The following MALRD1 variants were observed in gnomAD, a reference collection of about 807,000 sequenced individuals.
MALRD1 encodes the protein MAM and LDL receptor class A domain containing 1, also known as MAM and LDL-receptor class A domain-containing protein 1.
MALRD1 carries 247 observed loss-of-function variants against 242.1 expected under a neutral mutation model. The observed-to-expected ratio is 1.02, with a 90% confidence interval of 0.92 to 1.13. The LOEUF is 1.13. MALRD1 is among the 50% of genes most tolerant of loss of function. MALRD1 has a pLI of 0.00. For synonymous variants in MALRD1, 995 were observed against 866.6 expected, an observed-to-expected ratio of 1.15 and a Z score of -2.60; for missense variants, 2,989 against 2,533.1, an observed-to-expected ratio of 1.18 and a Z score of -3.86.
intron 32 of MALRD1, among the ~76,000 whole-genome samples, chr10:19,549,285 C>A (rs6481971): frequency 0.85 from 129,984 of 152,282 alleles, 55,498 homozygotes; most frequent in East Asian, 0.89. Context: ...TTGATAAAGC[C>A]GCAGCAGGTT....
chr10:19,604,980 G>A (rs961381155), intron 34 of MALRD1, among the ~76,000 whole-genome samples: 3 of 151,914 alleles, frequency 2.0e-5, no homozygotes, highest in African/African-American at 7.3e-5. Context: ...TGCTTTAAGA[G>A]TTTATCTTAT....
At chr10:19,296,209 T>G (rs577874320) in intron 21 of MALRD1, among the ~76,000 whole-genome samples, 32 of 152,288 alleles carry the variant, frequency 2.1e-4, no homozygotes, top group Middle Eastern at 3.4e-3. Context: ...TCTTCATAAC[T>G]TTTTCACCTG....
At chr10:19,631,290 C>T (rs1839889256) in intron 36 of MALRD1, among the ~76,000 whole-genome samples, 2 of 152,144 alleles carry the variant, frequency 1.3e-5, no homozygotes, top group Admixed American at 6.6e-5. Context: ...TGATGGCCTC[C>T]AGCTCCATCC....
intron 28 of MALRD1, among the ~76,000 whole-genome samples, chr10:19,426,337 G>T (rs989413258): frequency 6.6e-6 from 1 of 152,192 alleles, no homozygotes; most frequent in African/African-American, 2.4e-5. Flanking sequence ...AATGGAGTTT[G>T]AGAATAGTGA....
At chr10:19,185,605 T>C (rs1835703797) in intron 14 of MALRD1, among the ~76,000 whole-genome samples, 1 of 152,198 alleles carries the variant, frequency 6.6e-6, no homozygotes. Flanking sequence ...CATTAGACAC[T>C]GGCATTTCCA....
chr10:19,265,762 T>C (rs1247492716), intron 19 of MALRD1, among the ~76,000 whole-genome samples: 2 of 152,116 alleles, frequency 1.3e-5, no homozygotes, highest in South Asian at 2.1e-4. Flanking sequence ...TTAAGTTCAA[T>C]GTTTCTTAAT....
chr10:19,177,647 T>C (rs984326181), intron 14 of MALRD1, among the ~76,000 whole-genome samples: 3 of 152,200 alleles, frequency 2.0e-5, no homozygotes, highest in Non-Finnish European at 4.4e-5. Context: ...CTTTATTTTA[T>C]TTTTTCGTTT....
At chr10:19,508,286 G>T (rs1259406636) in intron 31 of MALRD1, among the ~76,000 whole-genome samples, 1 of 152,058 alleles carries the variant, frequency 6.6e-6, no homozygotes, top group African/African-American at 2.4e-5. Context: ...ATTTCAGAAT[G>T]ATTTAGAGGA....
chr10:19,387,709 T>G lies in MALRD1; in HGVS notation c.4623T>G (p.Val1541=), dbSNP rs1457906849. The change falls in exon 27 of 40, where the codon GTT becomes GTG. Residue 1541 remains valine, a synonymous_variant. Transcript: ENST00000454679. The part of the protein sequence containing the change: ...QNSQADNFDW[V]LGVGSHQSLR... ...CCCAGGCTGACAACTTTGATTGGGT[T>G]TTAGGGGTTGGCTCTCATCAAAGCT... 1.3e-6 allele frequency: 2 copies of G among 1,550,380 alleles called. No homozygotes were observed. Among genetic ancestry groups the G allele is most frequent in the Non-Finnish European group, 1.7e-6 (2 of 1,146,856 alleles).
At position 19,567,686 on chromosome 10, in the gene MALRD1, C is replaced by T. The variant is rs751654495; in HGVS notation, c.5663C>T (p.Pro1888Leu). Residue 1888 changes from proline (P) to leucine (L), a missense_variant, in exon 33 of 40, where the codon CCA becomes CTA. Physicochemically the swap from Pro to Leu is moderately conservative, Grantham distance 98. Coordinates refer to ENST00000454679, the MANE Select transcript of MALRD1 (RefSeq NM_001142308.3). ...GCTCTTGATGACATCTCTTTTACCC[C>T]AGAGTGTGTGACTGGAGGTAAGTGA... ...FIALDDISFT[P>L]ECVTGGPVPV... 7 of 1,550,262 alleles carry T rather than the reference C, an allele frequency of 4.5e-6. No individual in the cohort carries two copies. Among genetic ancestry groups the T allele is most frequent in the African/African-American group, 2.7e-5 (2 of 72,990 alleles).
chr10:19,350,378 C>G (rs571628858), intron 25 of MALRD1, among the ~76,000 whole-genome samples: 1 of 146,166 alleles, frequency 6.8e-6, no homozygotes, highest in South Asian at 2.2e-4. Context: ...TCAAGCAATT[C>G]TCCTGCCTCA....
intron 18 of MALRD1, among the ~76,000 whole-genome samples, chr10:19,223,190 A>G (rs1000989685): frequency 6.6e-6 from 1 of 152,116 alleles, no homozygotes; most frequent in Non-Finnish European, 1.5e-5. Context: ...GTAGTTGATT[A>G]TTATTCGAGG....
At chr10:19,347,343 T>C (rs763608931) in intron 24 of MALRD1, among the ~76,000 whole-genome samples, 1 of 152,142 alleles carries the variant, frequency 6.6e-6, no homozygotes, top group Non-Finnish European at 1.5e-5. Flanking sequence ...AGAACTGTTC[T>C]AAAAAAATAA....
intron 33 of MALRD1, among the ~76,000 whole-genome samples, chr10:19,591,378 G>A (rs867034946): frequency 2.0e-5 from 3 of 152,094 alleles, no homozygotes; most frequent in Non-Finnish European, 4.4e-5. Context: ...TGAAATTTGC[G>A]ATCCTCCTAT....
chr10:19,300,844 C>G (rs1335502894), intron 21 of MALRD1, among the ~76,000 whole-genome samples: 1 of 151,922 alleles, frequency 6.6e-6, no homozygotes, highest in Non-Finnish European at 1.5e-5. Context: ...GTAACAAAAA[C>G]AAAAATTGAC....
At chr10:19,454,384 G>A (rs1835505793) in intron 29 of MALRD1, among the ~76,000 whole-genome samples, 1 of 98,542 alleles carries the variant, frequency 1.0e-5, no homozygotes, top group African/African-American at 4.3e-5. Flanking sequence ...GTAGAAATGA[G>A]GAAAGGTAGA....
intron 36 of MALRD1, among the ~76,000 whole-genome samples, chr10:19,616,398 A>T (rs942615023): frequency 6.6e-6 from 1 of 152,056 alleles, no homozygotes; most frequent in African/African-American, 2.4e-5. Context: ...TAGATAAGAA[A>T]TACATTTGCA....
At position 19,587,436 on chromosome 10, in the gene MALRD1, T is replaced by C. The variant is rs553059244; in HGVS notation, c.5681-7758T>C. ...GAAGTTCTACTTGCATATCATTTTTTCCTTCAAAACAGACAATTTTCCTTT... is the reference window on the plus strand; with the variant it reads ...GAAGTTCTACTTGCATATCATTTTTCCCTTCAAAACAGACAATTTTCCTTT... On this transcript the variant is annotated intron_variant, in intron 33 of 39. Coordinates refer to ENST00000454679, the MANE Select transcript of MALRD1 (RefSeq NM_001142308.3). 1.6e-4 allele frequency among the ~76,000 whole-genome samples: 25 copies of C among 152,346 alleles called. No individual in the cohort carries two copies. The South Asian group carries it at 5.2e-3, about 32-fold the overall frequency.
intron 29 of MALRD1, among the ~76,000 whole-genome samples, chr10:19,479,193 T>C (rs1214672203): frequency 6.6e-6 from 1 of 152,192 alleles, no homozygotes; most frequent in East Asian, 1.9e-4. Context: ...TTCATTTTCT[T>C]TCAGAATGGG....
Sources: gnomAD v4.1 joint callset for allele counts (sites outside exome capture counted in the v4.1 genomes callset) on GRCh38, gnomAD v4.1.1 for gene constraint, MANE v1.5 for transcripts, NCBI Gene and HGNC (gene_info 2026-07-23, HGNC 2026-07-21) for gene names.